The following UBL3 variants were observed in gnomAD, a reference collection of about 807,000 sequenced individuals.
UBL3 encodes the protein ubiquitin like 3, also known as ubiquitin-like protein 3.
A neutral mutation model predicts 18.4 loss-of-function variants in UBL3; 6 were observed. The observed-to-expected ratio is 0.33, with a 90% CI of 0.18 to 0.64. The LOEUF (loss-of-function observed/expected upper bound fraction) is 0.64. Among genes scored for constraint, UBL3 ranks in the 30% least tolerant of loss-of-function variants. The pLI, the probability that UBL3 is intolerant of heterozygous loss-of-function variation, is 0.76. For synonymous variants in UBL3, 49 were observed against 46.6 expected (o/e 1.05, Z -0.21); for missense variants, 109 against 142.9 (o/e 0.76, Z 1.21).
intron 1 of UBL3, among the ~76,000 whole-genome samples, chr13:29,789,010 C>T (rs1012974908): frequency 1.3e-5 from 2 of 152,080 alleles, no homozygotes; most frequent in African/African-American, 4.8e-5. Context: ...AGAGATTTTC[C>T]TGCCTCAGCC....
At chr13:29,816,250 TCTC>T (rs1009974937) in intron 1 of UBL3, among the ~76,000 whole-genome samples, 20 of 152,262 alleles carry the variant, frequency 1.3e-4, no homozygotes, top group African/African-American at 3.9e-4. Context: ...TAGAGTCCCT[TCTC>T]CTCAATTAAA....
chr13:29,848,204 G>A (rs1879275517), intron 1 of UBL3, among the ~76,000 whole-genome samples: 1 of 149,768 alleles, frequency 6.7e-6, no homozygotes, highest in South Asian at 2.1e-4. Flanking sequence ...AGCACTTTGG[G>A]AGGCCAAGAT....
At chr13:29,805,217 T>G (rs933762376) in intron 1 of UBL3, among the ~76,000 whole-genome samples, 4 of 152,214 alleles carry the variant, frequency 2.6e-5, no homozygotes, top group African/African-American at 9.6e-5. Flanking sequence ...TATATCAAAC[T>G]AAGAATGTCT....
At chr13:29,829,518 G>A (rs912076245) in intron 1 of UBL3, among the ~76,000 whole-genome samples, 1 of 152,202 alleles carries the variant, frequency 6.6e-6, no homozygotes, top group Non-Finnish European at 1.5e-5. Flanking sequence ...CTGGTGTTCC[G>A]TTTGCTAAGA....
chr13:29,837,314 A>G (rs1048814064), intron 1 of UBL3, among the ~76,000 whole-genome samples: 6 of 152,230 alleles, frequency 3.9e-5, no homozygotes, highest in African/African-American at 1.4e-4. Flanking sequence ...TATACTCAAG[A>G]AAACAGATGA....
intron 1 of UBL3, 100 bp from the exon 2 acceptor site, chr13:29,777,363 A>T (rs1341788946): frequency 9.2e-6 from 8 of 868,394 alleles, no homozygotes; most frequent in Non-Finnish European, 3.6e-6. Context: ...CTAAATTATT[A>T]CCAATGCCAT....
Position 29,849,763 on chromosome 13 carries a change from C to T in UBL3, c.-225G>A. The T allele has an allele frequency of 1.6e-6, 1 of 615,826 alleles. No individual in the cohort carries two copies. Among genetic ancestry groups the T allele is most frequent in the East Asian group, 2.8e-5 (1 of 35,576 alleles). The allele number at this position is 615,826 out of a possible 1,614,324, so 38.1% of individuals were successfully genotyped here. A position where few individuals can be genotyped will look rare whatever the true frequency, so the allele number is the denominator to read the frequency against. Reference sequence around the variant, plus strand: ...GTGTGGCCGGAGCAGGAGGAAACTCCCGGGACAGCAGAGGCAGCCCCCGTC... The same window carrying T: ...GTGTGGCCGGAGCAGGAGGAAACTCTCGGGACAGCAGAGGCAGCCCCCGTC... On this transcript the variant is annotated 5_prime_UTR_variant, in exon 1 of 5. Coordinates refer to ENST00000380680, the MANE Select transcript of UBL3 (RefSeq NM_007106.4).
intron 1 of UBL3, among the ~76,000 whole-genome samples, chr13:29,791,094 A>G (rs1877469137): frequency 6.6e-6 from 1 of 152,178 alleles, no homozygotes; most frequent in African/African-American, 2.4e-5. Context: ...TTAACAACAG[A>G]TATCTTTCCT....
intron 1 of UBL3, among the ~76,000 whole-genome samples, chr13:29,806,977 T>C (rs1015530398): frequency 2.0e-5 from 3 of 152,204 alleles, no homozygotes; most frequent in Non-Finnish European, 2.9e-5. Context: ...ATTTTATCAA[T>C]TCAATTATAA....
intron 1 of UBL3, among the ~76,000 whole-genome samples, chr13:29,798,514 C>T (rs966472594): frequency 1.3e-5 from 2 of 152,222 alleles, no homozygotes; most frequent in Non-Finnish European, 1.5e-5. Context: ...AAAGAAGAGG[C>T]CACAGTCCAT....
chr13:29,842,730 AAAGTT>A (rs765580413), intron 1 of UBL3, among the ~76,000 whole-genome samples: 8 of 150,084 alleles, frequency 5.3e-5, no homozygotes, highest in African/African-American at 1.2e-4. Context: ...AGCTCAAAGT[AAAGTT>A]ATGTGTAATT....
chr13:29,846,086 C>A (rs1879221530), intron 1 of UBL3, among the ~76,000 whole-genome samples: 1 of 152,060 alleles, frequency 6.6e-6, no homozygotes, highest in South Asian at 2.1e-4. Context: ...TTGCAAAAAA[C>A]CTACAGTGGT....
intron 1 of UBL3, among the ~76,000 whole-genome samples, chr13:29,810,655 C>T (rs1878044732): frequency 6.6e-6 from 1 of 152,040 alleles, no homozygotes; most frequent in African/African-American, 2.4e-5. Context: ...AGTTAATATT[C>T]TACTAAGTGA....
intron 1 of UBL3, among the ~76,000 whole-genome samples, chr13:29,813,715 T>A (rs867872464): frequency 6.6e-6 from 1 of 152,230 alleles, no homozygotes; most frequent in South Asian, 2.1e-4. Context: ...ACTTGAAGCA[T>A]CTGTGGATTT....
chr13:29,798,317 C>T (rs896062053), intron 1 of UBL3, among the ~76,000 whole-genome samples: 17 of 152,100 alleles, frequency 1.1e-4, no homozygotes, highest in South Asian at 2.1e-4. Context: ...TGAGCCACCG[C>T]GCCCGACCCT....
rs552012763 is a variant in UBL3, at chr13:29,793,931, A to AC, written c.28-16669dup. ...ACAATCTTGGCTCACTGCAACCTCC[A>AC]CCCCCCAGGTTCAAGAGATTTTCCT... On this transcript the variant is annotated intron_variant, in intron 1 of 4. Transcript: ENST00000380680. Among the ~76,000 whole-genome samples the AC allele has an allele frequency of 9.2e-4, 139 of 151,892 alleles. 1 individual carries two copies. The highest frequency in any genetic ancestry group is 3.3e-3 in the African/African-American group (137 of 41,418).
intron 1 of UBL3, among the ~76,000 whole-genome samples, chr13:29,800,801 G>T (rs1412848972): frequency 6.6e-6 from 1 of 152,136 alleles, no homozygotes; most frequent in Non-Finnish European, 1.5e-5. Context: ...GAACCTCCCT[G>T]GGATGGATCT....
intron 4 of UBL3, 52 bp from the exon 5 acceptor site, chr13:29,767,359 G>A (rs757551835): frequency 2.5e-6 from 4 of 1,602,476 alleles, no homozygotes; most frequent in African/African-American, 1.3e-5. Flanking sequence ...AACTGGAGGG[G>A]AAAATGGGCT....
chr13:29,799,606 AGTGGTTCTTCAAAGCG>A (rs1165846552), intron 1 of UBL3, among the ~76,000 whole-genome samples: 2 of 152,198 alleles, frequency 1.3e-5, no homozygotes, highest in Non-Finnish European at 2.9e-5. Context: ...CATGCATATG[AGTGGTTCTTCAAAGCG>A]GTACCTTTGG....
Sources: allele counts gnomAD v4.1 joint callset (sites outside exome capture counted in the v4.1 genomes callset), GRCh38; gene constraint gnomAD v4.1.1; transcripts MANE v1.5; gene names NCBI Gene and HGNC (gene_info 2026-07-23, HGNC 2026-07-21).